Variants in RBFOX1 observed in about 807,000 individuals in gnomAD.
RBFOX1 encodes the protein RNA binding protein fox-1 homolog 1.
RBFOX1 carries 8 observed loss-of-function variants against 57.7 expected under a neutral mutation model. The observed-to-expected ratio is 0.14, with a 90% CI of 0.08 to 0.25. The LOEUF is 0.25. Among genes scored for constraint, RBFOX1 ranks in the 10% least tolerant of loss-of-function variants. The probability of loss-of-function intolerance (pLI) is 1.00; values close to 1 mark genes in which losing one functional copy is unlikely to be tolerated. For synonymous variants in RBFOX1, 326 were observed against 222.4 expected, an observed-to-expected ratio of 1.47 and a Z score of -4.15; for missense variants, 611 against 548.5, an observed-to-expected ratio of 1.11 and a Z score of -1.14.
intron 3 of RBFOX1, among the ~76,000 whole-genome samples, chr16:7,023,385 A>G (rs765608245): frequency 2.0e-5 from 3 of 151,166 alleles, no homozygotes; most frequent in African/African-American, 7.3e-5. Context: ...GCTTGAACCC[A>G]GGAGGCAGAG....
At chr16:6,685,869 A>G (rs907708600) in intron 3 of RBFOX1, among the ~76,000 whole-genome samples, 1 of 152,100 alleles carries the variant, frequency 6.6e-6, no homozygotes, top group Non-Finnish European at 1.5e-5. Context: ...TCTTAAAGCC[A>G]CCATTATTAA....
intron 4 of RBFOX1, among the ~76,000 whole-genome samples, chr16:7,451,669 T>A (rs927709936): frequency 2.0e-5 from 3 of 151,280 alleles, no homozygotes; most frequent in African/African-American, 7.3e-5. Context: ...AATGAGTTGT[T>A]GGCTGCCCCT....
chr16:5,718,440 G>A (rs2151526493), intron 3 of RBFOX1, among the ~76,000 whole-genome samples: 1 of 152,312 alleles, frequency 6.6e-6, no homozygotes, highest in East Asian at 1.9e-4. Context: ...TGTTATGCAG[G>A]TGTTATTTTG....
At chr16:5,997,168 G>A (rs889711680) in intron 4 of RBFOX1, among the ~76,000 whole-genome samples, 2 of 152,038 alleles carry the variant, frequency 1.3e-5, no homozygotes, top group Non-Finnish European at 2.9e-5. Flanking sequence ...CGTCTCTGCT[G>A]GTGCTCTCCA....
chr16:7,439,773 C>T (rs2098751423), intron 4 of RBFOX1, among the ~76,000 whole-genome samples: 1 of 152,044 alleles, frequency 6.6e-6, no homozygotes, highest in South Asian at 2.1e-4. Flanking sequence ...CATCTACCGC[C>T]AAATTTACAG....
chr16:5,486,415 C>T (rs144494767), intron 2 of RBFOX1, among the ~76,000 whole-genome samples: 200 of 152,268 alleles, frequency 1.3e-3, no homozygotes, highest in African/African-American at 4.5e-3. Context: ...CTTGCTTTCC[C>T]AGCAGACATC....
chr16:5,250,071 G>A (rs566318046), intron 1 of RBFOX1, among the ~76,000 whole-genome samples: 2 of 151,994 alleles, frequency 1.3e-5, no homozygotes, highest in South Asian at 4.2e-4. Context: ...GGAGGTTGCA[G>A]TGAGCCGAGA....
intron 2 of RBFOX1, among the ~76,000 whole-genome samples, chr16:6,367,697 C>G (rs1010021083): frequency 6.6e-6 from 1 of 150,954 alleles, no homozygotes; most frequent in Non-Finnish European, 1.5e-5. Context: ...GGAGCCAATG[C>G]CTACATGTTT....
chr16:7,001,400 GTATATGTATATGTATATGTATA>G (rs1596547196), intron 3 of RBFOX1, among the ~76,000 whole-genome samples: 58 of 83,558 alleles, frequency 6.9e-4, no homozygotes, highest in Admixed American at 2.0e-3. Flanking sequence ...ATGTGTATTT[GTATATGTATATGTATATGTATA>G]TGTATATGTA....
intron 14 of RBFOX1, among the ~76,000 whole-genome samples, chr16:7,696,083 A>G (rs74011844): frequency 0.023 from 3,480 of 152,314 alleles, 135 homozygotes; most frequent in African/African-American, 0.075. Flanking sequence ...GAGAGTGCCA[A>G]CACATCTGGT....
chr16:7,567,741 A>G (rs2152742652), intron 5 of RBFOX1, among the ~76,000 whole-genome samples: 1 of 145,946 alleles, frequency 6.9e-6, no homozygotes, highest in African/African-American at 2.5e-5. Context: ...TATAATCCCT[A>G]TATATATCCA....
At chr16:5,467,418 T>C (rs980076913) in intron 2 of RBFOX1, among the ~76,000 whole-genome samples, 4 of 152,146 alleles carry the variant, frequency 2.6e-5, no homozygotes, top group African/African-American at 9.7e-5. Flanking sequence ...CACTACTAAT[T>C]GATCAGGGAA....
rs574608064 is a variant in RBFOX1, at chr16:7,001,172, A to G, written c.-15-50885A>G. ...TCCGTTTGAGTTAGTTTGCTTGCAT[A>G]TTCCAAAGGAGACTAATGATCATTC... On this transcript the variant is annotated intron_variant, in intron 3 of 15. Coordinates refer to ENST00000550418, the MANE Select transcript of RBFOX1 (RefSeq NM_018723.4). Among the ~76,000 whole-genome samples the G allele has an allele frequency of 3.9e-5, 6 of 152,218 alleles. No individual in the cohort carries two copies. In the South Asian group the frequency reaches 1.0e-3, roughly 26 times the overall value.
chr16:6,523,626 G>A (rs920161022), intron 2 of RBFOX1, among the ~76,000 whole-genome samples: 4 of 152,082 alleles, frequency 2.6e-5, no homozygotes, highest in Non-Finnish European at 5.9e-5. Flanking sequence ...ACATTCTCAA[G>A]ATTTTATCCA....
At chr16:7,209,948 G>A (rs2090789406) in intron 4 of RBFOX1, among the ~76,000 whole-genome samples, 2 of 152,272 alleles carry the variant, frequency 1.3e-5, no homozygotes, top group East Asian at 1.9e-4. Context: ...CAGGCAAAAT[G>A]AAAGCTTTTA....
intron 10 of RBFOX1, among the ~76,000 whole-genome samples, chr16:7,610,970 A>AG (rs1555667414): frequency 1.3e-5 from 2 of 151,894 alleles, no homozygotes; most frequent in Non-Finnish European, 2.9e-5. Flanking sequence ...TGAAATGAAG[A>AG]CCCCTTGTCA....
At chr16:6,635,350 T>A (rs1213168481) in intron 2 of RBFOX1, among the ~76,000 whole-genome samples, 1 of 152,066 alleles carries the variant, frequency 6.6e-6, no homozygotes, top group African/African-American at 2.4e-5. Flanking sequence ...AAATGCCCTG[T>A]AAATATAAGT....
chr16:6,926,606 C>T (rs2075631353), intron 3 of RBFOX1, among the ~76,000 whole-genome samples: 1 of 152,204 alleles, frequency 6.6e-6, no homozygotes, highest in Non-Finnish European at 1.5e-5. Flanking sequence ...CATGCTGGGG[C>T]TGTCTCCTCC....
rs17139586 is a variant in RBFOX1 at position 6,225,378 on chromosome 16, A to C, written c.-126-91617A>C. Among the ~76,000 whole-genome samples, 4 of 152,126 alleles carry C rather than the reference A, an allele frequency of 2.6e-5. No individual in the cohort carries two copies. The South Asian group carries it at 8.3e-4, about 32-fold the overall frequency. On this transcript the variant is annotated intron_variant, in intron 1 of 15. Coordinates refer to ENST00000550418, the MANE Select transcript of RBFOX1 (RefSeq NM_018723.4). The stretch of plus-strand genomic sequence containing the variant: ...TCCTCCCGGTTTGCCTTGGGAACAG[A>C]GAGAACTTGGTTATGAAGCCCCTTT...
Sources: allele counts gnomAD v4.1 joint callset (sites outside exome capture counted in the v4.1 genomes callset), GRCh38; gene constraint gnomAD v4.1.1; transcripts MANE v1.5; gene names NCBI Gene and HGNC (gene_info 2026-07-23, HGNC 2026-07-21).